Variants in MUC3A observed in about 807,000 individuals in gnomAD.
MUC3A encodes the protein mucin 3A, cell surface associated.
A neutral mutation model predicts 109.0 loss-of-function variants in MUC3A; 109 were observed. That is an observed-to-expected ratio of 1.00 (90% CI 0.86 to 1.17). The LOEUF (loss-of-function observed/expected upper bound fraction) is 1.17, where lower values mean the gene tolerates loss of function less well. Among genes scored for constraint, MUC3A ranks in the 50% most tolerant of loss-of-function variants. The probability of loss-of-function intolerance (pLI) is 0.00; values close to 1 mark genes in which losing one functional copy is unlikely to be tolerated. For synonymous variants in MUC3A, 1,398 were observed against 981.4 expected, an observed-to-expected ratio of 1.42 and a Z score of -7.93; for missense variants, 3,537 against 2,469.4, an observed-to-expected ratio of 1.43 and a Z score of -9.16.
At position 100,960,317 on chromosome 7, in the gene MUC3A, T is replaced by G; in HGVS notation, c.8538T>G (p.Ala2846=). The G allele has an allele frequency of 6.3e-7, 1 of 1,598,546 alleles. No homozygotes were observed. The highest frequency in any genetic ancestry group is 8.5e-7 in the Non-Finnish European group (1 of 1,179,826). ...GTGAGTCCAGCATCTCACCCAATGC[T>G]TCCAGTTCCACTGGCACTGGGACTG... ...PESESSISPN[A]SSSTGTGTVP... is the part of the protein sequence containing the mutation. Residue 2846 remains alanine, a synonymous_variant, in exon 2 of 12, where the codon GCT becomes GCG. Coordinates refer to ENST00000379458, the MANE Select transcript of MUC3A (RefSeq NM_005960.2).
At position 100,952,351 on chromosome 7, in the gene MUC3A, C is replaced by G. The variant is rs775778158; in HGVS notation, c.572C>G (p.Ser191Cys). The G allele has an allele frequency of 1.9e-6, 3 of 1,598,402 alleles. No individual in the cohort carries two copies. The highest frequency in any genetic ancestry group is 2.5e-6 in the Non-Finnish European group (3 of 1,179,780). Residue 191 changes from serine to cysteine, a missense_variant, in exon 2 of 12, where the codon TCT (serine) becomes TGT (cysteine). Physicochemically the swap from Ser to Cys is moderately radical, Grantham distance 112. Transcript: ENST00000379458. ...KGTSAMTSSP[S>C]TTTARETPIV... ...ACGTCAGCCATGACATCTTCTCCCTCTACCACCACTGCAAGGGAAACTCCC... is the reference window on the plus strand; with the variant it reads ...ACGTCAGCCATGACATCTTCTCCCTGTACCACCACTGCAAGGGAAACTCCC...
At position 100,954,971 on chromosome 7, in the gene MUC3A, T is replaced by C; in HGVS notation, c.3192T>C (p.Pro1064=). The C allele has an allele frequency of 2.2e-6, 1 of 453,954 alleles. No homozygotes were observed. Among genetic ancestry groups the C allele is most frequent in the South Asian group, 3.0e-5 (1 of 33,648 alleles). The allele number at this position is 453,954 out of a possible 1,614,324, so 28.1% of individuals were successfully genotyped here. ...CCAGTCATACCACAAACACCACCCC[T>C]CTATCCACCTTGGTGACTACACTCC... ...MITSHTTNTT[P]LSTLVTTLLT... Residue 1064 remains proline (P), a synonymous_variant, in exon 2 of 12, where the codon CCT becomes CCC. Coordinates refer to ENST00000379458, the MANE Select transcript of MUC3A (RefSeq NM_005960.2).
intron 2 of MUC3A, 42 bp downstream of exon 2, chr7:100,960,687 C>A (rs1460731948): frequency 3.1e-6 from 5 of 1,592,198 alleles, no homozygotes; most frequent in Non-Finnish European, 2.6e-6. Context: ...TCCTCCCCTG[C>A]AAAATTCCTG....
chr7:100,956,107 C>T lies in MUC3A; in HGVS notation c.4328C>T (p.Ser1443Phe), dbSNP rs940243127. 23 of 438,588 alleles carry T rather than the reference C, an allele frequency of 5.2e-5. No individual in the cohort carries two copies. Among genetic ancestry groups the T allele is most frequent in the Non-Finnish European group, 7.2e-5 (18 of 250,780 alleles). The allele number at this position is 438,588 out of a possible 1,614,324, so 27.2% of individuals were successfully genotyped here. A position where few individuals can be genotyped will look rare whatever the true frequency, so the allele number is the denominator to read the frequency against. ...CATACCACAAACACCAATCCTGTAT[C>T]CACGTTGGTGACTACACTCCCCATT... ...TSHTTNTNPV[S>F]TLVTTLPITI... Residue 1443 changes from serine (S) to phenylalanine (F), a missense_variant, in exon 2 of 12, where the codon TCC becomes TTC. Coordinates refer to ENST00000379458, the MANE Select transcript of MUC3A (RefSeq NM_005960.2).
chr7:100,964,990 G>GCA, intron 6 of MUC3A, 147 bp downstream of exon 6: 1 of 1,317,486 alleles, frequency 7.6e-7, no homozygotes, highest in Non-Finnish European at 1.0e-6. Context: ...ACACAACGGT[G>GCA]TCAAGGGTGG....
rs200682970 is a variant in MUC3A at position 100,965,729 on chromosome 7, G to T, written c.9474G>T (p.Thr3158=). The T allele has an allele frequency of 6.2e-3, 9,771 of 1,581,956 alleles. No individual in the cohort carries two copies. Among genetic ancestry groups the T allele is most frequent in the Non-Finnish European group, 7.3e-3 (8,494 of 1,164,804 alleles). The change falls in exon 8 of 12, where the codon ACG becomes ACT. Residue 3158 remains threonine (T), a synonymous_variant. Coordinates refer to ENST00000379458, the MANE Select transcript of MUC3A (RefSeq NM_005960.2). ...PAAICRRAAP[T]GYEEFYFPLV... ...CCATCTGCCGCCGCGCCGCTCCCAC[G>T]GGCTATGAAGAGTTCTACTTCCCCT...
chr7:100,959,803 C>T lies in MUC3A; in HGVS notation c.8024C>T (p.Thr2675Ile), dbSNP rs772239430. ...AGTACGTCTACAAATGCAATCTTGACTTCTTTTAGTACCATCATCTGGTCC... is the reference window on the plus strand; with the variant it reads ...AGTACGTCTACAAATGCAATCTTGATTTCTTTTAGTACCATCATCTGGTCC... ...RGSTSTNAIL[T>I]SFSTIIWSST... is the part of the protein sequence containing the mutation. The change falls in exon 2 of 12, where the codon ACT (threonine) becomes ATT (isoleucine). Residue 2675 changes from threonine to isoleucine, a missense_variant. Transcript: ENST00000379458. 1 of 1,592,168 alleles carries T rather than the reference C, an allele frequency of 6.3e-7. No individual in the cohort carries two copies. The highest frequency in any genetic ancestry group is 1.1e-5 in the South Asian group (1 of 89,430).
intron 4 of MUC3A, 41 bp downstream of exon 4, chr7:100,963,307 G>GTTTT (rs1792404905): frequency 9.0e-7 from 1 of 1,104,996 alleles, no homozygotes; most frequent in Non-Finnish European, 1.3e-6. Flanking sequence ...TTTTTTTGAG[G>GTTTT]TGTAGTCTCG....
rs1792270424 is a variant in MUC3A at position 100,960,166 on chromosome 7, C to T, written c.8387C>T (p.Thr2796Ile). Residue 2796 changes from threonine (T) to isoleucine (I), a missense_variant, in exon 2 of 12, where the codon ACT (threonine) becomes ATT (isoleucine). Coordinates refer to ENST00000379458, the MANE Select transcript of MUC3A (RefSeq NM_005960.2). Reference protein sequence around the residue: ...CVEMDPSTEATSPPTTPLTVF... With the variant: ...CVEMDPSTEAISPPTTPLTVF... ...GAAATGGATCCCAGCACTGAAGCTACTTCTCCTCCCACCACCCCATTAACA... is the reference window on the plus strand; with the variant it reads ...GAAATGGATCCCAGCACTGAAGCTATTTCTCCTCCCACCACCCCATTAACA... 6.4e-7 allele frequency: 1 copy of T among 1,573,118 alleles called. No individual in the cohort carries two copies. Among genetic ancestry groups the T allele is most frequent in the South Asian group, 1.2e-5 (1 of 85,728 alleles).
chr7:100,952,114 T>G lies in MUC3A; in HGVS notation c.335T>G (p.Val112Gly), dbSNP rs766297978. ...CCGACGTCCAAGTTTGCCTTCAAGG[T>G]TGAAACCACTCCACCCACCGTGTTG... ...TTPTSKFAFKVETTPPTVLVY... is the reference protein window; with the variant it reads ...TTPTSKFAFKGETTPPTVLVY... The change falls in exon 2 of 12, where the codon GTT becomes GGT. Residue 112 changes from valine (V) to glycine (G), a missense_variant. Coordinates refer to ENST00000379458, the MANE Select transcript of MUC3A (RefSeq NM_005960.2). The G allele has an allele frequency of 4.4e-6, 7 of 1,598,610 alleles. No homozygotes were observed. In the East Asian group the frequency reaches 1.3e-4, roughly 31 times the overall value.
In MUC3A at chr7:100,951,832, C is replaced by T. The variant is rs758563189; in HGVS notation, c.62-9C>T. 1.9e-6 allele frequency: 3 copies of T among 1,594,492 alleles called. No individual in the cohort carries two copies. The South Asian group carries it at 3.3e-5, about 18-fold the overall frequency. On this transcript the variant is annotated splice_polypyrimidine_tract_variant and intron_variant, in intron 1 of 11. Coordinates refer to ENST00000379458, the MANE Select transcript of MUC3A (RefSeq NM_005960.2). ...ACCAGTGGATTCCTCTGCTCTGCCG[C>T]CAATGCAGGAACTTTATCCACGGCC...
In MUC3A at chr7:100,958,084, CCACCTCACACAGTACT is replaced by C. The variant is rs1584803191; in HGVS notation, c.6307_6322del (p.Thr2103ProfsTer57). ...ACTTCTTCAATCACCACCACTGAGA[CCACCTCACACAGTACT>C]CCCAGCTTCACTTCCTCAATCACCA... On this transcript the variant is annotated frameshift_variant, in exon 2 of 12. Transcript: ENST00000379458. LOFTEE classifies it high-confidence loss of function. 1,563 of 1,309,140 alleles carry C rather than the reference CCACCTCACACAGTACT, an allele frequency of 1.2e-3. No individual in the cohort carries two copies. The highest frequency in any genetic ancestry group is 2.4e-3 in the African/African-American group (117 of 47,992). 81.1% of individuals were successfully genotyped at this position (1,309,140 alleles called of 1,614,324 possible).
chr7:100,966,001 C>A, intron 8 of MUC3A, 135 bp downstream of exon 8: 2 of 1,374,234 alleles, frequency 1.5e-6, no homozygotes, highest in Non-Finnish European at 1.9e-6. Flanking sequence ...CCGCTCCAAG[C>A]CCATCCCCGT....
At chr7:100,964,139 C>T in intron 5 of MUC3A, 1 of 375,774 alleles carries the variant, frequency 2.7e-6, no homozygotes. Flanking sequence ...CTTGATGCAA[C>T]AAGAAGAGAA....
At position 100,952,164 on chromosome 7, in the gene MUC3A, G is replaced by C. The variant is rs774213758; in HGVS notation, c.385G>C (p.Val129Leu). The stretch of plus-strand genomic sequence containing the variant: ...GGTCTATTCAGCCACCACTGAGTGC[G>C]TGTATCCAACGAGCTTTATAATCAC... ...VLVYSATTEC[V>L]YPTSFIITIS... is the part of the protein sequence containing the mutation. The change falls in exon 2 of 12, where the codon GTG becomes CTG. Residue 129 changes from valine (V) to leucine (L), a missense_variant. Transcript: ENST00000379458. The C allele has an allele frequency of 1.1e-5, 18 of 1,598,500 alleles. No homozygotes were observed. The highest frequency in any genetic ancestry group is 1.5e-5 in the Non-Finnish European group (18 of 1,179,736).
chr7:100,957,236 A>C lies in MUC3A; in HGVS notation c.5457A>C (p.Leu1819=). ...ITSGTTNTTP[L]STLVTTFSNS... ...GTGGTACCACAAACACCACCCCTCT[A>C]TCTACATTGGTGACCACATTCTCCA... Residue 1819 remains leucine (L), a synonymous_variant, in exon 2 of 12, where the codon CTA becomes CTC. Coordinates refer to ENST00000379458, the MANE Select transcript of MUC3A (RefSeq NM_005960.2). 1 of 489,830 alleles carries C rather than the reference A, an allele frequency of 2.0e-6. No homozygotes were observed. Among genetic ancestry groups the C allele is most frequent in the Non-Finnish European group, 3.6e-6 (1 of 281,374 alleles). The allele number at this position is 489,830 out of a possible 1,614,324, so 30.3% of individuals were successfully genotyped here.
chr7:100,959,320 CT>C lies in MUC3A; in HGVS notation c.7542del (p.Asp2515IlefsTer37), dbSNP rs1449233723. 1 of 1,568,582 alleles carries C rather than the reference CT, an allele frequency of 6.4e-7. No homozygotes were observed. Among genetic ancestry groups the C allele is most frequent in the East Asian group, 2.2e-5 (1 of 44,734 alleles). On this transcript the variant is annotated frameshift_variant, in exon 2 of 12. Transcript: ENST00000379458. LOFTEE classifies it high-confidence loss of function. ...ACCACAGACTTTCCCTCTATACCCACTGATATCAGTACCTTACCAACTCGAA... is the reference window on the plus strand; with the variant it reads ...ACCACAGACTTTCCCTCTATACCCACGATATCAGTACCTTACCAACTCGAA... The part of the protein sequence containing the change: ...TTTTDFPSIP[T>X]DISTLPTRTH...
At chr7:100,966,314 C>T (rs111892061) in intron 8 of MUC3A, 72 bp from the exon 9 acceptor site, 3 of 1,201,412 alleles carry the variant, frequency 2.5e-6, no homozygotes, top group South Asian at 4.0e-5. Context: ...CACCCGCCCC[C>T]GCGGGGCCCA....
At chr7:100,966,805 C>T (rs1163028556) in intron 10 of MUC3A, 62 bp downstream of exon 10, 1 of 1,598,232 alleles carries the variant, frequency 6.3e-7, no homozygotes, top group South Asian at 1.1e-5. Flanking sequence ...CGAGGACAGA[C>T]GCCCTCCCTG....
Sources: gnomAD v4.1 joint callset for allele counts on GRCh38, gnomAD v4.1.1 for gene constraint, MANE v1.5 for transcripts, NCBI Gene and HGNC (gene_info 2026-07-23, HGNC 2026-07-21) for gene names.